The following ZNF124 variants were observed in gnomAD, a reference collection of about 807,000 sequenced individuals.
The protein encoded by ZNF124 is zinc finger protein 124, also known as zinc finger protein HZF-16.
A neutral mutation model predicts 26.6 loss-of-function variants in ZNF124; 25 were observed. The observed-to-expected ratio is 0.94, with a 90% CI of 0.68 to 1.31. The LOEUF is 1.31. ZNF124 is among the 40% of genes most tolerant of loss of function. ZNF124 has a pLI of 0.00. For missense variants in ZNF124, 444 were observed against 422.2 expected (o/e 1.05, Z -0.45); for synonymous variants, 129 against 133.3 (o/e 0.97, Z 0.22).
At chr1:247,125,840 A>G (rs1171535612) in intron 3 of ZNF124, among the ~76,000 whole-genome samples, 2 of 152,230 alleles carry the variant, frequency 1.3e-5, no homozygotes, top group Non-Finnish European at 2.9e-5. Context: ...ACATGCAGCA[A>G]TGTGGCTGGA....
chr1:247,141,549 C>G (rs1672627176), intron 3 of ZNF124, among the ~76,000 whole-genome samples: 1 of 151,806 alleles, frequency 6.6e-6, no homozygotes, highest in Admixed American at 6.6e-5. Flanking sequence ...TGTTTCTTCC[C>G]CAGACCAAAG....
At chr1:247,165,498 C>G (rs1460096823) in intron 1 of ZNF124, among the ~76,000 whole-genome samples, 4 of 152,064 alleles carry the variant, frequency 2.6e-5, no homozygotes, top group African/African-American at 9.7e-5. Flanking sequence ...GGACATAGGA[C>G]CTGGCAAGTA....
intron 1 of ZNF124, among the ~76,000 whole-genome samples, chr1:247,165,218 A>G (rs1242813525): frequency 5.3e-5 from 8 of 152,100 alleles, no homozygotes; most frequent in African/African-American, 1.9e-4. Context: ...CACCTGCCTC[A>G]GCCTCCCAAA....
chr1:247,146,926 AC>A (rs1271756750), intron 3 of ZNF124, among the ~76,000 whole-genome samples: 4 of 152,134 alleles, frequency 2.6e-5, no homozygotes, highest in African/African-American at 4.8e-5. Context: ...TTAGGAGGTG[AC>A]TAGCGGATGA....
At chr1:247,159,981 T>A in intron 1 of ZNF124, 168 bp from the exon 2 acceptor site, 33 of 182,262 alleles carry the variant, frequency 1.8e-4, no homozygotes, top group Non-Finnish European at 2.5e-4. Flanking sequence ...TAGCAGTTCT[T>A]TTTTTTTTTT....
chr1:247,144,909 G>C (rs1672724179), intron 3 of ZNF124, among the ~76,000 whole-genome samples: 1 of 151,958 alleles, frequency 6.6e-6, no homozygotes, highest in South Asian at 2.1e-4. Flanking sequence ...CTGAGTAGCT[G>C]GGACTACAGG....
Position 247,156,207 on chromosome 1 carries a change from C to T in ZNF124, c.*359G>A. On this transcript the variant is annotated 3_prime_UTR_variant, in exon 4 of 4. Coordinates refer to ENST00000543802, the MANE Select transcript of ZNF124 (RefSeq NM_001297568.2). ...CTGGAGTATGTGTTACCATGTGTCT[C>T]TGAGTGAGTTATAGGATAAATGAAG... The T allele has an allele frequency of 1.0e-6, 1 of 1,003,802 alleles. No individual in the cohort carries two copies. Among genetic ancestry groups the T allele is most frequent in the Non-Finnish European group, 1.2e-6 (1 of 843,026 alleles). The allele number at this position is 1,003,802 out of a possible 1,614,324, so 62.2% of individuals were successfully genotyped here. A position where few individuals can be genotyped will look rare whatever the true frequency, so the allele number is the denominator to read the frequency against.
chr1:247,130,750 T>C (rs937224429), intron 3 of ZNF124, among the ~76,000 whole-genome samples: 3 of 152,254 alleles, frequency 2.0e-5, no homozygotes, highest in African/African-American at 7.2e-5. Flanking sequence ...GTGATTTTGC[T>C]GGACTCTTCA....
chr1:247,157,234 C>T lies in ZNF124; in HGVS notation c.388G>A (p.Val130Ile), dbSNP rs760492253. 6.2e-6 allele frequency: 10 copies of T among 1,614,006 alleles called. No homozygotes were observed. In the Middle Eastern group the frequency reaches 6.6e-4, roughly 106 times the overall value. Reference sequence around the variant, plus strand: ...TGAAATGAACTGGGAATATTAAAAACTTTCTCACATATTGTACAACCATAA... The same window carrying T: ...TGAAATGAACTGGGAATATTAAAAATTTTCTCACATATTGTACAACCATAA... ...GHYGCTICEKVFNIPSSFQIH... is the reference protein window; with the variant it reads ...GHYGCTICEKIFNIPSSFQIH... The change falls in exon 4 of 4, where the codon GTT (valine) becomes ATT (isoleucine). Residue 130 changes from valine (V) to isoleucine (I), a missense_variant. By Grantham distance (29) the Val-to-Ile change is conservative (BLOSUM62 3). Coordinates refer to ENST00000543802, the MANE Select transcript of ZNF124 (RefSeq NM_001297568.2).
chr1:247,130,204 T>C (rs1206561449), intron 3 of ZNF124, among the ~76,000 whole-genome samples: 3 of 152,238 alleles, frequency 2.0e-5, no homozygotes, highest in African/African-American at 7.2e-5. Context: ...AAGAGGTGTA[T>C]ATCAGAAAAA....
At chr1:247,154,571 A>C (rs1048597010), downstream of ZNF124, among the ~76,000 whole-genome samples, 1 of 152,230 alleles carries the variant, frequency 6.6e-6, no homozygotes, top group African/African-American at 2.4e-5. Context: ...TAGGGTACTC[A>C]AATTTCTTTC....
chr1:247,160,095 CCTGCCT>C (rs1384847953), intron 1 of ZNF124, among the ~76,000 whole-genome samples: 2 of 149,526 alleles, frequency 1.3e-5, no homozygotes, highest in Non-Finnish European at 3.0e-5. Flanking sequence ...AAGTGATTCT[CCTGCCT>C]CTGCCTCTCA....
At chr1:247,165,740 TAA>T (rs1673743074) in intron 1 of ZNF124, among the ~76,000 whole-genome samples, 1 of 152,126 alleles carries the variant, frequency 6.6e-6, no homozygotes, top group Non-Finnish European at 1.5e-5. Context: ...AATGAAACAT[TAA>T]AAAGTGGGCA....
chr1:247,127,644 C>G (rs1159520029), intron 3 of ZNF124, among the ~76,000 whole-genome samples: 1 of 148,080 alleles, frequency 6.8e-6, no homozygotes, highest in South Asian at 2.1e-4. Flanking sequence ...TGGAAAAGCA[C>G]TGTGAAAATC....
At chr1:247,125,172 C>G (rs1441478391) in intron 3 of ZNF124, among the ~76,000 whole-genome samples, 1 of 152,172 alleles carries the variant, frequency 6.6e-6, no homozygotes, top group Non-Finnish European at 1.5e-5. Flanking sequence ...CTGACGGACA[C>G]TGGAGACTTT....
intron 3 of ZNF124, among the ~76,000 whole-genome samples, chr1:247,144,225 T>C (rs1179683873): frequency 6.6e-6 from 1 of 152,202 alleles, no homozygotes; most frequent in Non-Finnish European, 1.5e-5. Context: ...CCTCCCCAAC[T>C]ACATCCACAA....
chr1:247,131,383 T>TA (rs2103100130), intron 3 of ZNF124, among the ~76,000 whole-genome samples: 1 of 152,260 alleles, frequency 6.6e-6, no homozygotes, highest in South Asian at 2.1e-4. Flanking sequence ...CCCAGATTCT[T>TA]ACAGCCTTTC....
chr1:247,167,345 G>C (rs1572102113), intron 1 of ZNF124, among the ~76,000 whole-genome samples: 1 of 124,990 alleles, frequency 8.0e-6, no homozygotes, highest in Admixed American at 9.2e-5. Context: ...GCAGGCAACA[G>C]AAAACAGCAC....
chr1:247,157,376 G>A lies in ZNF124; in HGVS notation c.246C>T (p.Asn82=). The A allele has an allele frequency of 1.9e-6, 3 of 1,552,874 alleles. 1 individual carries two copies. In the South Asian group the frequency reaches 3.6e-5, roughly 18 times the overall value. The change falls in exon 4 of 4, where the codon AAC becomes AAT. Residue 82 remains asparagine (N), a synonymous_variant. Transcript: ENST00000543802. ...LRHIISHSGN[N]PYGCEECGKK... The stretch of plus-strand genomic sequence containing the variant: ...TTCCGCATTCCTCACACCCATATGG[G>A]TTGTTTCCAGAATGAGATATGATGT...
Sources: allele counts gnomAD v4.1 joint callset (sites outside exome capture counted in the v4.1 genomes callset), GRCh38; gene constraint gnomAD v4.1.1; transcripts MANE v1.5; gene names NCBI Gene and HGNC (gene_info 2026-07-23, HGNC 2026-07-21).